Variants in ZBTB41 observed in about 807,000 individuals in gnomAD.
ZBTB41 encodes the protein zinc finger and BTB domain-containing protein 41.
ZBTB41 carries 42 observed loss-of-function variants against 87.6 expected under a neutral mutation model. That is an observed-to-expected ratio of 0.48 (90% CI 0.37 to 0.62). The LOEUF (loss-of-function observed/expected upper bound fraction) is 0.62. ZBTB41 is among the 20% of genes least tolerant of loss of function. The probability of loss-of-function intolerance (pLI) is 0.00; values close to 1 mark genes in which losing one functional copy is unlikely to be tolerated. For synonymous variants in ZBTB41, 364 were observed against 364.0 expected (o/e 1.00, Z 0.00); for missense variants, 799 against 1,078.9 (o/e 0.74, Z 3.63).
intron 8 of ZBTB41, 92 bp from the exon 9 acceptor site, chr1:197,175,207 G>A: frequency 9.7e-7 from 1 of 1,027,028 alleles, no homozygotes; most frequent in Non-Finnish European, 1.4e-6. Context: ...ATCACATGAT[G>A]TCAAATATAA....
intron 9 of ZBTB41, among the ~76,000 whole-genome samples, chr1:197,174,248 T>G (rs897593695): frequency 6.6e-6 from 1 of 152,060 alleles, no homozygotes; most frequent in Non-Finnish European, 1.5e-5. Context: ...AACTTAAAAA[T>G]GCCTATTGAT....
At chr1:197,185,128 T>C (rs922118281) in intron 5 of ZBTB41, among the ~76,000 whole-genome samples, 2 of 152,206 alleles carry the variant, frequency 1.3e-5, no homozygotes, top group Non-Finnish European at 2.9e-5. Context: ...TTTGTATTTA[T>C]TCTTAATTAA....
intron 5 of ZBTB41, among the ~76,000 whole-genome samples, chr1:197,185,078 T>C (rs1276304927): frequency 6.6e-6 from 1 of 152,188 alleles, no homozygotes; most frequent in Non-Finnish European, 1.5e-5. Context: ...CCTCCCAAAG[T>C]GCTGGCATTA....
At chr1:197,165,723 C>T (rs1659327185) in intron 10 of ZBTB41, among the ~76,000 whole-genome samples, 3 of 151,962 alleles carry the variant, frequency 2.0e-5, no homozygotes, top group South Asian at 2.1e-4. Flanking sequence ...AGAAATACTA[C>T]AATTTAACAA....
At chr1:197,190,078 C>G (rs1013989242) in intron 4 of ZBTB41, among the ~76,000 whole-genome samples, 3 of 152,068 alleles carry the variant, frequency 2.0e-5, no homozygotes, top group African/African-American at 4.8e-5. Flanking sequence ...GCCACCATGC[C>G]CAGCTAATTT....
rs149225983 is a variant in ZBTB41 at position 197,159,915 on chromosome 1, T to G, written c.2174A>C (p.Asn725Thr). 1.2e-6 allele frequency: 2 copies of G among 1,613,798 alleles called. No homozygotes were observed. The highest frequency in any genetic ancestry group is 1.1e-5 in the South Asian group (1 of 91,082). Residue 725 changes from asparagine to threonine, a missense_variant, in exon 11 of 11, where the codon AAC (asparagine) becomes ACC (threonine). Around this residue, in one of 5 missense-constraint regions of ZBTB41, gnomAD observed 198 missense variants for 358.4 expected, o/e 0.55. Transcript: ENST00000367405. ...AAATGTTGCATTACAGTGCTGACAG[T>G]TGAAAGGTCGGGCATCAGAATGAAT... ...LVIHSDARPF[N>T]CQHCNATFKR...
At chr1:197,179,829 A>T (rs538311967) in intron 6 of ZBTB41, among the ~76,000 whole-genome samples, 1 of 152,158 alleles carries the variant, frequency 6.6e-6, no homozygotes, top group Non-Finnish European at 1.5e-5. Context: ...ATGCAGCTGT[A>T]CAATGTGTGT....
intron 10 of ZBTB41, among the ~76,000 whole-genome samples, chr1:197,164,929 ATAT>A (rs1659296378): frequency 1.8e-5 from 1 of 54,182 alleles, no homozygotes; most frequent in African/African-American, 5.1e-5. Context: ...CATATCTAAT[ATAT>A]TATATATATT....
intron 10 of ZBTB41, among the ~76,000 whole-genome samples, chr1:197,171,299 CT>C (rs1260450154): frequency 2.0e-5 from 3 of 152,030 alleles, no homozygotes; most frequent in African/African-American, 4.8e-5. Flanking sequence ...TGTAACTTTG[CT>C]TTTAACAGCA....
chr1:197,166,008 G>C (rs1659335371), intron 10 of ZBTB41, among the ~76,000 whole-genome samples: 1 of 152,102 alleles, frequency 6.6e-6, no homozygotes, highest in Non-Finnish European at 1.5e-5. Context: ...CATGGACACA[G>C]GGAGGGGAAC....
intron 8 of ZBTB41, 121 bp from the exon 9 acceptor site, chr1:197,175,236 T>C (rs1261490650): frequency 6.5e-6 from 5 of 767,452 alleles, no homozygotes; most frequent in Non-Finnish European, 8.0e-6. Context: ...TAAAGCCACA[T>C]TTTATTCTGC....
chr1:197,180,523 A>G (rs1287281033), intron 6 of ZBTB41, among the ~76,000 whole-genome samples: 1 of 152,128 alleles, frequency 6.6e-6, no homozygotes, highest in Non-Finnish European at 1.5e-5. Flanking sequence ...CAGTCTGTAG[A>G]TAACACCCAG....
chr1:197,166,490 T>C (rs1393589857), intron 10 of ZBTB41, among the ~76,000 whole-genome samples: 1 of 151,898 alleles, frequency 6.6e-6, no homozygotes, highest in African/African-American at 2.4e-5. Context: ...AATAAATAAA[T>C]TGAAAATATG....
intron 10 of ZBTB41, among the ~76,000 whole-genome samples, chr1:197,164,288 G>C (rs1237108456): frequency 6.6e-6 from 1 of 151,880 alleles, no homozygotes; most frequent in Non-Finnish European, 1.5e-5. Context: ...ACATAATTAA[G>C]AAGCTAACTG....
intron 7 of ZBTB41, 45 bp from the exon 8 acceptor site, chr1:197,176,715 G>C (rs1311189704): frequency 3.0e-6 from 4 of 1,353,314 alleles, no homozygotes; most frequent in Admixed American, 3.4e-5. Context: ...TGGTGACATA[G>C]AAGGAAAAAG....
chr1:197,199,554 T>C lies in ZBTB41; in HGVS notation c.920A>G (p.Asp307Gly), dbSNP rs1235317562. 1 of 1,607,886 alleles carries C rather than the reference T, an allele frequency of 6.2e-7. No homozygotes were observed. The highest frequency in any genetic ancestry group is 1.3e-5 in the African/African-American group (1 of 74,410). Residue 307 changes from aspartate to glycine, a missense_variant, in exon 2 of 11, where the codon GAT (aspartate) becomes GGT (glycine). By Grantham distance (94) the Asp-to-Gly change is moderately conservative. This residue lies in a region of ZBTB41 where 294 missense variants were observed against 340.1 expected (regional missense o/e 0.86). Transcript: ENST00000367405. ...DPGSEYNAEE[D>G]ELEEEMSDEY... ...ATCTGACATCTCCTCCTCTAGCTCA[T>C]CTTCTTCAGCATTATATTCACTTCC...
chr1:197,170,162 CTA>C (rs1397101638), intron 10 of ZBTB41, among the ~76,000 whole-genome samples: 2 of 151,138 alleles, frequency 1.3e-5, no homozygotes, highest in Non-Finnish European at 3.0e-5. Flanking sequence ...AAAAGACATA[CTA>C]ACAGAAGAAA....
intron 2 of ZBTB41, among the ~76,000 whole-genome samples, chr1:197,195,296 G>A (rs1660136701): frequency 6.6e-6 from 1 of 152,104 alleles, no homozygotes; most frequent in Admixed American, 6.6e-5. Context: ...CAAATCAGAA[G>A]TCATAAATTA....
At chr1:197,164,142 G>T (rs1659262272) in intron 10 of ZBTB41, among the ~76,000 whole-genome samples, 1 of 151,992 alleles carries the variant, frequency 6.6e-6, no homozygotes, top group Non-Finnish European at 1.5e-5. Context: ...GGTGTTATAA[G>T]GTATTTGCAG....
Sources: allele counts gnomAD v4.1 joint callset (sites outside exome capture counted in the v4.1 genomes callset), GRCh38; gene constraint gnomAD v4.1.1; regional missense constraint gnomAD v4.1.1; transcripts MANE v1.5; gene names NCBI Gene and HGNC (gene_info 2026-07-23, HGNC 2026-07-21).